NAV2: variants seen among roughly 807,000 people sequenced by gnomAD.
NAV2 encodes helicase, APC down-regulated 1.
Under a neutral mutation model 223.2 loss-of-function variants are expected in NAV2, and 54 were observed. That is an observed-to-expected ratio of 0.24 (90% CI 0.19 to 0.30). The LOEUF (loss-of-function observed/expected upper bound fraction) is 0.30. Among genes scored for constraint, NAV2 ranks in the 10% least tolerant of loss-of-function variants. NAV2 has a pLI of 1.00. For missense variants in NAV2, 2,806 were observed against 3,147.5 expected (o/e 0.89, Z 2.60); for synonymous variants, 1,279 against 1,239.3 (o/e 1.03, Z -0.67).
At chr11:19,843,799 C>CAT (rs1565414485) in intron 3 of NAV2, among the ~76,000 whole-genome samples, 1 of 151,394 alleles carries the variant, frequency 6.6e-6, no homozygotes, top group East Asian at 1.9e-4. Flanking sequence ...TCTGTAACCC[C>CAT]ATCCTACCTC....
At chr11:19,470,083 G>T (rs1306764808) in intron 1 of NAV2, among the ~76,000 whole-genome samples, 1 of 152,250 alleles carries the variant, frequency 6.6e-6, no homozygotes, top group Non-Finnish European at 1.5e-5. Context: ...AGGGGTGGAA[G>T]ACCTGGAAGA....
chr11:19,667,074 A>G (rs1266848842), intron 1 of NAV2, among the ~76,000 whole-genome samples: 1 of 151,632 alleles, frequency 6.6e-6, no homozygotes, highest in Non-Finnish European at 1.5e-5. Context: ...CCCTCTCTGT[A>G]TGTTCCCATT....
intron 1 of NAV2, among the ~76,000 whole-genome samples, chr11:19,537,152 C>G (rs16936936): frequency 2.6e-5 from 4 of 151,994 alleles, no homozygotes; most frequent in African/African-American, 9.7e-5. Context: ...AAAAAGAAAT[C>G]GAGGAGAACT....
At chr11:19,520,988 G>A (rs543047067) in intron 1 of NAV2, among the ~76,000 whole-genome samples, 1 of 152,350 alleles carries the variant, frequency 6.6e-6, no homozygotes, top group African/African-American at 2.4e-5. Context: ...GGGAATGGAA[G>A]AACAGCCTTG....
intron 1 of NAV2, among the ~76,000 whole-genome samples, chr11:19,438,267 CCAG>C: frequency 6.6e-6 from 1 of 152,134 alleles, no homozygotes; most frequent in African/African-American, 2.4e-5. Context: ...TATTGTTATC[CCAG>C]TCTACAGGTG....
intron 1 of NAV2, among the ~76,000 whole-genome samples, chr11:19,831,036 G>A (rs1045604314): frequency 6.6e-6 from 1 of 151,962 alleles, no homozygotes; most frequent in African/African-American, 2.4e-5. Flanking sequence ...GCTTCTAGGT[G>A]GGTGGGTGGT....
At chr11:19,670,900 C>T (rs1428673386) in intron 1 of NAV2, among the ~76,000 whole-genome samples, 1 of 152,230 alleles carries the variant, frequency 6.6e-6, no homozygotes, top group South Asian at 2.1e-4. Context: ...CTAGTTCATC[C>T]GGCCCCTTGG....
At chr11:19,876,879 A>G (rs2062864761) in intron 4 of NAV2, among the ~76,000 whole-genome samples, 1 of 150,528 alleles carries the variant, frequency 6.6e-6, no homozygotes, top group Non-Finnish European at 1.5e-5. Context: ...CCTACCAGCT[A>G]GGATTTTACT....
chr11:19,525,669 G>T (rs886736030), intron 1 of NAV2, among the ~76,000 whole-genome samples: 2 of 152,276 alleles, frequency 1.3e-5, no homozygotes, highest in African/African-American at 4.8e-5. Context: ...GCAAAACTGC[G>T]GGGATAGTCT....
At chr11:19,542,076 G>T (rs1322647424) in intron 1 of NAV2, among the ~76,000 whole-genome samples, 1 of 152,166 alleles carries the variant, frequency 6.6e-6, no homozygotes, top group African/African-American at 2.4e-5. Context: ...GCCCACCATT[G>T]ACCTCATATG....
rs370711190 is a variant in NAV2 at position 19,577,282 on chromosome 11, T to C, written c.75+226255T>C. On this transcript the variant is annotated intron_variant, in intron 1 of 37. Transcript: ENST00000360655. The stretch of plus-strand genomic sequence containing the variant: ...ATGTGTGGTCAGCCTCCATCAGCGT[T>C]CTATTTGCTTCCTTCATGGGGCTGC... 1.7e-3 allele frequency among the ~76,000 whole-genome samples: 256 copies of C among 152,348 alleles called. 1 individual carries two copies. The highest frequency in any genetic ancestry group is 5.3e-3 in the African/African-American group (219 of 41,582).
chr11:19,870,209 G>A (rs937413786), intron 4 of NAV2, among the ~76,000 whole-genome samples: 1 of 152,126 alleles, frequency 6.6e-6, no homozygotes, highest in Non-Finnish European at 1.5e-5. Context: ...CTCATCCATG[G>A]GGATAAGATC....
intron 1 of NAV2, among the ~76,000 whole-genome samples, chr11:19,499,862 C>G (rs944874246): frequency 1.3e-5 from 2 of 152,128 alleles, no homozygotes; most frequent in Non-Finnish European, 2.9e-5. Flanking sequence ...TCTCCTATCC[C>G]TTAGATGAGT....
chr11:19,582,889 A>G (rs2045768182), intron 1 of NAV2, among the ~76,000 whole-genome samples: 1 of 152,214 alleles, frequency 6.6e-6, no homozygotes, highest in Admixed American at 6.5e-5. Flanking sequence ...TGAACTTTAA[A>G]GTAGTTTTTT....
intron 1 of NAV2, among the ~76,000 whole-genome samples, chr11:19,628,604 T>C (rs1243712700): frequency 1.3e-5 from 2 of 152,186 alleles, no homozygotes; most frequent in Non-Finnish European, 2.9e-5. Flanking sequence ...AACTCACAGA[T>C]CCTGAAGTCC....
rs3802800 is a variant in NAV2, at chr11:20,044,233, C to T, written c.3160C>T (p.Pro1054Ser). 8 of 1,613,500 alleles carry T rather than the reference C, an allele frequency of 5.0e-6. No homozygotes were observed. Among genetic ancestry groups the T allele is most frequent in the Non-Finnish European group, 5.1e-6 (6 of 1,179,680 alleles). Reference sequence around the variant, plus strand: ...GGGCATCACCATGCCAAGGACGAAGCCTTCAGCCCCGGCAGGCGCACTGAA... The same window carrying T: ...GGGCATCACCATGCCAAGGACGAAGTCTTCAGCCCCGGCAGGCGCACTGAA... Reference protein sequence around the residue: ...QVGITMPRTKPSAPAGALKTP... With the variant: ...QVGITMPRTKSSAPAGALKTP... The change falls in exon 13 of 38, where the codon CCT (proline) becomes TCT (serine). Residue 1054 changes from proline (P) to serine (S), a missense_variant. Physicochemically the swap from Pro to Ser is moderately conservative, Grantham distance 74. Coordinates refer to ENST00000349880, the MANE Select transcript of NAV2 (RefSeq NM_145117.5).
Position 19,476,032 on chromosome 11 carries a change from C to T in NAV2, c.75+125005C>T, listed in dbSNP as rs59777790. On this transcript the variant is annotated intron_variant, in intron 1 of 37. Transcript: ENST00000360655. ...CTCTACTCACTAGGCTGGAGTGCAG[C>T]GGCGGGATCTTGGCTCACTGTAACC... 2.9e-3 allele frequency among the ~76,000 whole-genome samples: 444 copies of T among 152,188 alleles called. 4 individuals are homozygous for T. Among genetic ancestry groups the T allele is most frequent in the African/African-American group, 9.7e-3 (404 of 41,546 alleles).
At chr11:19,634,444 A>T (rs1224369756) in intron 1 of NAV2, among the ~76,000 whole-genome samples, 1 of 152,206 alleles carries the variant, frequency 6.6e-6, no homozygotes, top group Admixed American at 6.5e-5. Context: ...CCATGACATG[A>T]GTTTACCTGT....
At chr11:19,652,961 T>G (rs1167396151) in intron 1 of NAV2, among the ~76,000 whole-genome samples, 1 of 152,324 alleles carries the variant, frequency 6.6e-6, no homozygotes, top group East Asian at 1.9e-4. Context: ...CCACTTTTTC[T>G]GAGGCCACAA....
Sources: gnomAD v4.1 joint callset for allele counts (sites outside exome capture counted in the v4.1 genomes callset) on GRCh38, gnomAD v4.1.1 for gene constraint, MANE v1.5 for transcripts, NCBI Gene and HGNC (gene_info 2026-07-23, HGNC 2026-07-21) for gene names.